The following PRMT8 variants were observed in gnomAD, a reference collection of about 807,000 sequenced individuals.
PRMT8 encodes protein arginine N-methyltransferase 8.
In PRMT8, 7 loss-of-function variants were observed where a neutral mutation model predicts 47.1. That is an observed-to-expected ratio of 0.15 (90% confidence interval 0.08 to 0.28). PRMT8 has a LOEUF of 0.28. Ranked by LOEUF, PRMT8 falls within the 10% of genes least tolerant of loss-of-function variation. PRMT8 has a pLI of 1.00. For synonymous variants in PRMT8, 188 were observed against 186.5 expected (o/e 1.01, Z -0.07); for missense variants, 237 against 505.4 (o/e 0.47, Z 5.09).
chr12:3,518,645 G>C (rs1865832206), intron 1 of PRMT8, among the ~76,000 whole-genome samples: 1 of 151,990 alleles, frequency 6.6e-6, no homozygotes, highest in Admixed American at 6.5e-5. Context: ...TCCCAGATGG[G>C]ATAACAATAA....
chr12:3,427,837 T>C (rs1299171488), intron 1 of PRMT8, among the ~76,000 whole-genome samples: 1 of 152,206 alleles, frequency 6.6e-6, no homozygotes, highest in African/African-American at 2.4e-5. Flanking sequence ...CCTCTTTTTT[T>C]CCCTTTTTTC....
chr12:3,452,867 C>T (rs1053684000), intron 1 of PRMT8, among the ~76,000 whole-genome samples: 2 of 152,184 alleles, frequency 1.3e-5, no homozygotes, highest in Non-Finnish European at 2.9e-5. Flanking sequence ...AACTGTAGGC[C>T]TGAGAAGTCA....
chr12:3,539,458 G>A (rs1866180533), intron 1 of PRMT8, among the ~76,000 whole-genome samples: 1 of 152,088 alleles, frequency 6.6e-6, no homozygotes, highest in Non-Finnish European at 1.5e-5. Context: ...TAGGACCCAG[G>A]AGCCTGGATT....
At chr12:3,487,961 T>C (rs1046651977), upstream of PRMT8, among the ~76,000 whole-genome samples, 2 of 152,208 alleles carry the variant, frequency 1.3e-5, no homozygotes, top group African/African-American at 4.8e-5. Context: ...GCACTGGTAT[T>C]TTTAAAGCTC....
At chr12:3,450,218 T>C (rs1864902618) in intron 1 of PRMT8, among the ~76,000 whole-genome samples, 1 of 152,264 alleles carries the variant, frequency 6.6e-6, no homozygotes, top group Non-Finnish European at 1.5e-5. Flanking sequence ...TTTGTTGTAA[T>C]GTGGAATCTG....
upstream of PRMT8, among the ~76,000 whole-genome samples, chr12:3,489,834 C>CAT (rs1491420078): frequency 9.3e-6 from 1 of 107,532 alleles, no homozygotes; most frequent in Non-Finnish European, 2.0e-5. Context: ...CACACACACA[C>CAT]GCGCGCACAC....
rs1430300484 is a variant in PRMT8, at chr12:3,456,902, C to G, written c.48+75460C>G. On this transcript the variant is annotated intron_variant, in intron 1 of 9. Coordinates refer to the PRMT8 transcript ENST00000452611. This position sits in a 1 kb window ranked among gnomAD's most constrained non-coding sequence, Gnocchi z 4.2. ...CTTTAAACACAGAGGACAGGTGCGT[C>G]TTTTCTTGCTGTGGCTGACGTCCTA... Among the ~76,000 whole-genome samples the G allele has an allele frequency of 1.3e-5, 2 of 152,318 alleles. No homozygotes were observed. The highest frequency in any genetic ancestry group is 2.9e-5 in the Non-Finnish European group (2 of 68,040).
At chr12:3,589,992 C>G (rs978248831) in intron 8 of PRMT8, among the ~76,000 whole-genome samples, 1 of 152,174 alleles carries the variant, frequency 6.6e-6, no homozygotes, top group Non-Finnish European at 1.5e-5. Context: ...CACACATAAC[C>G]AGGAACTATC....
chr12:3,496,214 A>ATATATATATATTTTTTTTTT, intron 1 of PRMT8, among the ~76,000 whole-genome samples: 3 of 27,770 alleles, frequency 1.1e-4, no homozygotes, highest in African/African-American at 2.6e-4. Flanking sequence ...ATATATATAT[A>ATATATATATATTTTTTTTTT]TTTTTTTTTT....
At chr12:3,397,722 G>A (rs1280683533) in intron 1 of PRMT8, among the ~76,000 whole-genome samples, 9 of 152,088 alleles carry the variant, frequency 5.9e-5, no homozygotes, top group Non-Finnish European at 1.0e-4. Flanking sequence ...GCCTCCTTGA[G>A]CTGTGGTGGG....
intron 1 of PRMT8, among the ~76,000 whole-genome samples, chr12:3,497,996 T>C (rs1337869828): frequency 6.6e-6 from 1 of 152,218 alleles, no homozygotes; most frequent in East Asian, 1.9e-4. Flanking sequence ...ATCTCATTTA[T>C]TGTTTTTATT....
intron 2 of PRMT8, among the ~76,000 whole-genome samples, chr12:3,547,839 A>G (rs1192171681): frequency 6.6e-6 from 1 of 152,196 alleles, no homozygotes; most frequent in Non-Finnish European, 1.5e-5. Context: ...GTTCTCCCCA[A>G]ATTGATCTAT....
Position 3,550,118 on chromosome 12 carries a change from C to T in PRMT8, c.417+27C>T, listed in dbSNP as rs770569586. 3.7e-6 allele frequency: 6 copies of T among 1,610,240 alleles called. No homozygotes were observed. The South Asian group carries it at 6.6e-5, about 18-fold the overall frequency. Reference sequence around the variant, plus strand: ...TGAGCACGCCGCTTCCTCCTGCATGCTGGCTTCCACAGAGCCAGCCTCTTG... The same window carrying T: ...TGAGCACGCCGCTTCCTCCTGCATGTTGGCTTCCACAGAGCCAGCCTCTTG... On this transcript the variant is annotated intron_variant, in intron 3 of 9. Coordinates refer to ENST00000382622, the MANE Select transcript of PRMT8 (RefSeq NM_019854.5). The surrounding 1 kb of genome is among the most constrained non-coding windows in gnomAD (Gnocchi z 5.1).
chr12:3,537,365 T>C (rs1258500184), intron 1 of PRMT8, among the ~76,000 whole-genome samples: 1 of 152,250 alleles, frequency 6.6e-6, no homozygotes, highest in Non-Finnish European at 1.5e-5. Flanking sequence ...AATATTACAT[T>C]GTGGGTGTTC....
Position 3,453,033 on chromosome 12 carries a change from G to A in PRMT8, c.48+71591G>A, listed in dbSNP as rs181211878. On this transcript the variant is annotated intron_variant, in intron 1 of 9. Coordinates refer to the PRMT8 transcript ENST00000452611. This position sits in a 1 kb window ranked among gnomAD's most constrained non-coding sequence, Gnocchi z 4.9. ...TCAGAGCTTACAGCCTAAGAGGGGA[G>A]GGAAGCTAAACCCTGGACTGGGATC... 6.6e-6 allele frequency among the ~76,000 whole-genome samples: 1 copy of A among 152,276 alleles called. No individual in the cohort carries two copies. Among genetic ancestry groups the A allele is most frequent in the East Asian group, 1.9e-4 (1 of 5,178 alleles).
intron 1 of PRMT8, among the ~76,000 whole-genome samples, chr12:3,509,299 C>A (rs1591576531): frequency 6.6e-6 from 1 of 152,208 alleles, no homozygotes; most frequent in East Asian, 1.9e-4. Context: ...CTGCCTACCT[C>A]CCTTCCTCGA....
intron 8 of PRMT8, among the ~76,000 whole-genome samples, chr12:3,591,301 T>C (rs1383409975): frequency 6.6e-6 from 1 of 152,148 alleles, no homozygotes; most frequent in African/African-American, 2.4e-5. Context: ...CCATCCCTCA[T>C]TTCTTTCTGA....
At chr12:3,465,198 ATATATTTTTATATATATTTT>A (rs1865083982) in intron 1 of PRMT8, among the ~76,000 whole-genome samples, 3 of 143,998 alleles carry the variant, frequency 2.1e-5, no homozygotes, top group Admixed American at 7.0e-5. Flanking sequence ...ATAAATATAA[ATATATTTTTATATATATTTT>A]ATAAATATAA....
intron 1 of PRMT8, among the ~76,000 whole-genome samples, chr12:3,419,518 G>A (rs929148048): frequency 5.3e-5 from 8 of 152,154 alleles, no homozygotes; most frequent in East Asian, 1.9e-4. Context: ...CTTCCCAAGC[G>A]GCTTGACTTC....
Sources: gnomAD v4.1 joint callset for allele counts (sites outside exome capture counted in the v4.1 genomes callset) on GRCh38, gnomAD v4.1.1 for gene constraint, Gnocchi (gnomAD v3.1) non-coding constraint, MANE v1.5 for transcripts, NCBI Gene and HGNC (gene_info 2026-07-23, HGNC 2026-07-21) for gene names.